CNTNAP5: variants seen among roughly 807,000 people sequenced by gnomAD.
CNTNAP5 encodes contactin associated protein family member 5, also known as contactin-associated protein-like 5.
A neutral mutation model predicts 150.2 loss-of-function variants in CNTNAP5; 72 were observed. That is an observed-to-expected ratio of 0.48 (90% CI 0.40 to 0.58). The LOEUF (loss-of-function observed/expected upper bound fraction) is 0.58, where lower values mean the gene tolerates loss of function less well. CNTNAP5 is among the 20% of genes least tolerant of loss of function. The pLI is 0.00. For synonymous variants in CNTNAP5, 672 were observed against 619.8 expected (o/e 1.08, Z -1.25); for missense variants, 1,636 against 1,626.2 (o/e 1.01, Z -0.10).
chr2:124,342,947 T>C (rs528713441), intron 3 of CNTNAP5, among the ~76,000 whole-genome samples: 36 of 152,202 alleles, frequency 2.4e-4, no homozygotes, highest in Non-Finnish European at 1.9e-4. Context: ...ATTTGAGTCT[T>C]GGAAATTATC....
chr2:124,214,308 G>T (rs944455390), intron 1 of CNTNAP5, among the ~76,000 whole-genome samples: 1 of 152,122 alleles, frequency 6.6e-6, no homozygotes, highest in Non-Finnish European at 1.5e-5. Context: ...ACATAGAATT[G>T]CTTTAAAAGC....
At chr2:124,414,205 G>T (rs1313056861) in intron 3 of CNTNAP5, among the ~76,000 whole-genome samples, 3 of 151,156 alleles carry the variant, frequency 2.0e-5, no homozygotes, top group Non-Finnish European at 4.4e-5. Context: ...GCTTTGAATA[G>T]GTTGGTGGCT....
chr2:124,721,514 T>TAAATAAATAAATAAATA (rs778612928), intron 13 of CNTNAP5, among the ~76,000 whole-genome samples: 2,717 of 148,684 alleles, frequency 0.018, 91 homozygotes, highest in African/African-American at 0.065. Flanking sequence ...AATAAATACA[T>TAAATAAATAAATAAATA]AAATAAATAT....
At chr2:124,115,654 T>A (rs2104710376) in intron 1 of CNTNAP5, among the ~76,000 whole-genome samples, 1 of 150,052 alleles carries the variant, frequency 6.7e-6, no homozygotes, top group Admixed American at 6.7e-5. Flanking sequence ...TAGTCTTTTT[T>A]TTTTTTTTTT....
chr2:124,914,025 A>C, intron 23 of CNTNAP5, 67 bp from the exon 24 acceptor site: 3 of 1,159,660 alleles, frequency 2.6e-6, no homozygotes, highest in Non-Finnish European at 3.7e-6. Context: ...ATCTGGAGGG[A>C]ATCCACTCTC....
intron 3 of CNTNAP5, among the ~76,000 whole-genome samples, chr2:124,278,339 A>G (rs1426476056): frequency 6.6e-6 from 1 of 152,168 alleles, no homozygotes; most frequent in African/African-American, 2.4e-5. Context: ...TAATTCGATT[A>G]AAAAGTAAGG....
chr2:124,158,630 G>T lies in CNTNAP5; in HGVS notation c.83-63075G>T, dbSNP rs373150720. Among the ~76,000 whole-genome samples, 242 of 152,260 alleles carry T rather than the reference G, an allele frequency of 1.6e-3. 1 individual carries two copies. The highest frequency in any genetic ancestry group is 5.3e-3 in the African/African-American group (222 of 41,566). ...CTCTATTTACTTTTTGTGCCAGACA[G>T]GTTAGCATGTCCAACAAATGTTGAT... On this transcript the variant is annotated intron_variant, in intron 1 of 23. Transcript: ENST00000682447.
In CNTNAP5 at chr2:124,411,601, C is replaced by G. The variant is rs1239995085; in HGVS notation, c.382-5842C>G. On this transcript the variant is annotated intron_variant, in intron 3 of 23. Transcript: ENST00000682447. ...ACGCAAATCAATAAATGTAATCCAG[C>G]ATATAAACAGAGCCAAAGACAAAAA... Among the ~76,000 whole-genome samples the G allele has an allele frequency of 3.9e-5, 5 of 127,832 alleles. No homozygotes were observed. In the South Asian group the frequency reaches 1.1e-3, roughly 28 times the overall value. 83.9% of individuals were successfully genotyped at this position (127,832 alleles called of 152,430 possible).
chr2:124,168,148 A>G (rs192612776), intron 1 of CNTNAP5, among the ~76,000 whole-genome samples: 3 of 152,270 alleles, frequency 2.0e-5, no homozygotes, highest in African/African-American at 4.8e-5. Context: ...TTCCCCTCTC[A>G]TGATTACATT....
At chr2:124,813,321 C>G (rs1428759454) in intron 19 of CNTNAP5, among the ~76,000 whole-genome samples, 2 of 152,020 alleles carry the variant, frequency 1.3e-5, no homozygotes, top group Non-Finnish European at 2.9e-5. Context: ...TCGTGATCCA[C>G]CCACCTTGGC....
chr2:124,206,011 A>T (rs1028299834), intron 1 of CNTNAP5, among the ~76,000 whole-genome samples: 1 of 152,224 alleles, frequency 6.6e-6, no homozygotes, highest in African/African-American at 2.4e-5. Context: ...TCTGATACAC[A>T]TCTTGCTTTG....
chr2:124,673,892 C>CA (rs751281199), intron 13 of CNTNAP5, among the ~76,000 whole-genome samples: 1 of 151,918 alleles, frequency 6.6e-6, no homozygotes, highest in Non-Finnish European at 1.5e-5. Context: ...AATGTACTCA[C>CA]AAAAATGTAT....
intron 3 of CNTNAP5, among the ~76,000 whole-genome samples, chr2:124,369,324 T>A (rs1690459262): frequency 2.0e-5 from 3 of 152,166 alleles, no homozygotes. Flanking sequence ...ACTATAGATC[T>A]AATTACAAAC....
At chr2:124,874,291 C>G (rs1010220923) in intron 21 of CNTNAP5, among the ~76,000 whole-genome samples, 1 of 151,978 alleles carries the variant, frequency 6.6e-6, no homozygotes, top group African/African-American at 2.4e-5. Flanking sequence ...AGAGAGAGCA[C>G]ATATTTAGGG....
At chr2:124,188,308 A>G (rs1375587691) in intron 1 of CNTNAP5, among the ~76,000 whole-genome samples, 2 of 152,240 alleles carry the variant, frequency 1.3e-5, no homozygotes, top group African/African-American at 2.4e-5. Flanking sequence ...TTCCCCAAAT[A>G]TATTTGTTTA....
At chr2:124,680,449 G>T (rs1322914578) in intron 13 of CNTNAP5, among the ~76,000 whole-genome samples, 1 of 151,790 alleles carries the variant, frequency 6.6e-6, no homozygotes, top group South Asian at 2.1e-4. Flanking sequence ...ACACACAGTG[G>T]GCTCCCAGCA....
intron 10 of CNTNAP5, among the ~76,000 whole-genome samples, chr2:124,560,639 C>T (rs1013327509): frequency 9.9e-5 from 15 of 151,602 alleles, no homozygotes; most frequent in African/African-American, 2.2e-4. Context: ...AATCCCAGCT[C>T]GGACTATCCT....
chr2:124,484,949 T>C (rs1394774664), intron 7 of CNTNAP5, among the ~76,000 whole-genome samples: 1 of 152,176 alleles, frequency 6.6e-6, no homozygotes, highest in East Asian at 1.9e-4. Context: ...TAACCTTCTA[T>C]AAGTGTTCCT....
chr2:124,824,574 GA>G (rs1023921884), intron 19 of CNTNAP5, among the ~76,000 whole-genome samples: 4 of 151,850 alleles, frequency 2.6e-5, no homozygotes, highest in African/African-American at 7.3e-5. Context: ...AGGTTAGCAT[GA>G]AAAAAAATCC....
Sources: gnomAD v4.1 joint callset for allele counts (sites outside exome capture counted in the v4.1 genomes callset) on GRCh38, gnomAD v4.1.1 for gene constraint, MANE v1.5 for transcripts, NCBI Gene and HGNC (gene_info 2026-07-23, HGNC 2026-07-21) for gene names.